The following SORBS2 variants were observed in gnomAD, a reference collection of about 807,000 sequenced individuals.
The protein encoded by SORBS2 is sorbin and SH3 domain containing 2.
A neutral mutation model predicts 97.7 loss-of-function variants in SORBS2; 46 were observed. The observed-to-expected ratio is 0.47, with a 90% CI of 0.37 to 0.60. SORBS2 has a LOEUF of 0.60. SORBS2 is among the 20% of genes least tolerant of loss of function. The probability of loss-of-function intolerance (pLI) is 0.00; values close to 1 mark genes in which losing one functional copy is unlikely to be tolerated. For synonymous variants in SORBS2, 476 were observed against 473.4 expected (o/e 1.01, Z -0.07); for missense variants, 1,316 against 1,282.3 (o/e 1.03, Z -0.40).
intron 2 of SORBS2, among the ~76,000 whole-genome samples, chr4:185,759,111 A>G (rs2098847916): frequency 6.6e-6 from 1 of 152,204 alleles, no homozygotes; most frequent in Non-Finnish European, 1.5e-5. Flanking sequence ...TCGGATTTGC[A>G]TGAGTGAATG....
chr4:185,785,729 G>T (rs904220542), intron 1 of SORBS2, among the ~76,000 whole-genome samples: 1 of 152,164 alleles, frequency 6.6e-6, no homozygotes, highest in Non-Finnish European at 1.5e-5. Context: ...CTCACAGGAG[G>T]CCCTCCCCAC....
chr4:185,601,330 T>C (rs1172993778), intron 12 of SORBS2, among the ~76,000 whole-genome samples: 1 of 152,184 alleles, frequency 6.6e-6, no homozygotes, highest in Non-Finnish European at 1.5e-5. Flanking sequence ...TGTACTCATG[T>C]CATAAGCTGA....
chr4:185,767,689 C>A (rs1447066499), intron 2 of SORBS2, among the ~76,000 whole-genome samples: 1 of 152,044 alleles, frequency 6.6e-6, no homozygotes, highest in African/African-American at 2.4e-5. Flanking sequence ...TGCCCCGAGG[C>A]CTCGGTCTCT....
intron 1 of SORBS2, among the ~76,000 whole-genome samples, chr4:185,874,959 T>C (rs929482613): frequency 1.3e-5 from 2 of 152,040 alleles, no homozygotes; most frequent in African/African-American, 4.8e-5. Context: ...TTATTTTTAT[T>C]ATGGAATATC....
At chr4:185,706,685 C>T (rs930847784) in intron 2 of SORBS2, among the ~76,000 whole-genome samples, 7 of 152,166 alleles carry the variant, frequency 4.6e-5, no homozygotes, top group Non-Finnish European at 1.0e-4. Flanking sequence ...GAATTCCATG[C>T]TTATCATTCT....
intron 7 of SORBS2, among the ~76,000 whole-genome samples, chr4:185,621,824 C>T (rs1229967493): frequency 6.6e-6 from 1 of 152,126 alleles, no homozygotes; most frequent in African/African-American, 2.4e-5. Flanking sequence ...GTTATCTACT[C>T]TCTGTGTGAC....
chr4:185,936,909 C>T (rs747003395), intron 1 of SORBS2, among the ~76,000 whole-genome samples: 1 of 152,208 alleles, frequency 6.6e-6, no homozygotes, highest in Non-Finnish European at 1.5e-5. Context: ...GGTGGAAATT[C>T]CTCAAGAATG....
chr4:185,656,567 C>A, intron 1 of SORBS2: 1 of 1,392,134 alleles, frequency 7.2e-7, no homozygotes. Context: ...GGTCTTGCTG[C>A]AAAGTATATG....
intron 4 of SORBS2, among the ~76,000 whole-genome samples, chr4:185,670,234 A>T (rs577734368): frequency 6.6e-6 from 1 of 152,228 alleles, no homozygotes; most frequent in Non-Finnish European, 1.5e-5. Context: ...TAAAAAAAAA[A>T]GGTTTATTTT....
intron 1 of SORBS2, among the ~76,000 whole-genome samples, chr4:185,870,498 T>C (rs2099229789): frequency 6.6e-6 from 1 of 152,252 alleles, no homozygotes; most frequent in African/African-American, 2.4e-5. Flanking sequence ...TGATCCTGTT[T>C]GAACTTTGAT....
At chr4:185,786,298 A>G (rs1018245611) in intron 1 of SORBS2, among the ~76,000 whole-genome samples, 1 of 152,206 alleles carries the variant, frequency 6.6e-6, no homozygotes, top group Non-Finnish European at 1.5e-5. Flanking sequence ...TGCTTCATTT[A>G]GTAAGTAGAG....
At chr4:185,670,241 T>C (rs1342959037) in intron 4 of SORBS2, among the ~76,000 whole-genome samples, 1 of 152,104 alleles carries the variant, frequency 6.6e-6, no homozygotes, top group Non-Finnish European at 1.5e-5. Context: ...AAAAGGTTTA[T>C]TTTGCTTTAA....
intron 1 of SORBS2, among the ~76,000 whole-genome samples, chr4:185,923,544 T>C (rs2099262044): frequency 1.4e-5 from 2 of 147,580 alleles, no homozygotes; most frequent in Admixed American, 1.4e-4. Flanking sequence ...CCTCAAGCAA[T>C]CTTCCTGCCT....
chr4:185,770,902 C>T (rs2098966128), intron 2 of SORBS2: 1 of 150,842 alleles, frequency 6.6e-6, no homozygotes, highest in Non-Finnish European at 1.5e-5. Context: ...AATATTTGCA[C>T]ATACACTAGC....
At chr4:185,776,854 C>G (rs192825911) in intron 1 of SORBS2, among the ~76,000 whole-genome samples, 1 of 148,030 alleles carries the variant, frequency 6.8e-6, no homozygotes, top group East Asian at 2.0e-4. Context: ...GAGCTGAGAT[C>G]GCACCAGTGC....
At position 185,944,144 on chromosome 4, in the gene SORBS2, A is replaced by T. The variant is rs113996278; in HGVS notation, c.-338+12052T>A. The stretch of plus-strand genomic sequence containing the variant: ...TAATATAACTGATCATATATGCTTC[A>T]CACAGGAAAGCCCTCATACGGAAAG... On this transcript the variant is annotated intron_variant, in intron 1 of 20. Transcript: ENST00000284776. Among the ~76,000 whole-genome samples, 431 of 152,332 alleles carry T rather than the reference A, an allele frequency of 2.8e-3. 4 individuals are homozygous for T. The highest frequency in any genetic ancestry group is 0.01 in the African/African-American group (417 of 41,564).
chr4:185,614,984 C>T (rs775457907), intron 10 of SORBS2, 25 bp from the exon 23 acceptor site: 2 of 1,614,118 alleles, frequency 1.2e-6, no homozygotes, highest in South Asian at 2.2e-5. Context: ...GTCATTTATT[C>T]TCAAATCTGC....
chr4:185,704,458 G>A (rs28594530), intron 2 of SORBS2, among the ~76,000 whole-genome samples: 5 of 151,928 alleles, frequency 3.3e-5, no homozygotes, highest in Admixed American at 1.3e-4. Flanking sequence ...AGCTGGGATC[G>A]CAGGCATGCA....
intron 2 of SORBS2, among the ~76,000 whole-genome samples, chr4:185,706,593 T>A (rs188350989): frequency 6.6e-6 from 1 of 152,152 alleles, no homozygotes; most frequent in Non-Finnish European, 1.5e-5. Flanking sequence ...AAGATAGACC[T>A]TCGTAAGGAC....
Sources: allele counts gnomAD v4.1 joint callset (sites outside exome capture counted in the v4.1 genomes callset), GRCh38; gene constraint gnomAD v4.1.1; transcripts MANE v1.5; gene names NCBI Gene and HGNC (gene_info 2026-07-23, HGNC 2026-07-21).